Variants in AUTS2 observed in about 807,000 individuals in gnomAD.
The protein encoded by AUTS2 is autism susceptibility gene 2 protein.
A neutral mutation model predicts 112.4 loss-of-function variants in AUTS2; 17 were observed. That is an observed-to-expected ratio of 0.15 (90% confidence interval 0.10 to 0.23). The LOEUF is 0.23. Among genes scored for constraint, AUTS2 ranks in the 10% least tolerant of loss-of-function variants. The pLI is 1.00. For missense variants in AUTS2, 1,510 were observed against 1,701.6 expected (o/e 0.89, Z 1.98); for synonymous variants, 751 against 702.7 (o/e 1.07, Z -1.09).
chr7:70,676,235 G>A (rs576121844), intron 5 of AUTS2, among the ~76,000 whole-genome samples: 1 of 152,294 alleles, frequency 6.6e-6, no homozygotes, highest in Admixed American at 6.5e-5. Flanking sequence ...GAGGCCAGGA[G>A]TTCGAGACCA....
In AUTS2 at chr7:70,031,436, A is replaced by G. The variant is rs191891263; in HGVS notation, c.523-86696A>G. Among the ~76,000 whole-genome samples, 640 of 152,292 alleles carry G rather than the reference A, an allele frequency of 4.2e-3. 6 individuals are homozygous for G. Among genetic ancestry groups the G allele is most frequent in the African/African-American group, 0.015 (605 of 41,572 alleles). On this transcript the variant is annotated intron_variant, in intron 2 of 18. Transcript: ENST00000342771. ...GGCAGTCAGACCGAAGAGAGCACTA[A>G]CGTCCTGATTAGCATTTATCTAAAG...
intron 1 of AUTS2, among the ~76,000 whole-genome samples, chr7:69,666,031 T>C (rs1796018287): frequency 6.6e-6 from 1 of 152,226 alleles, no homozygotes; most frequent in Admixed American, 6.5e-5. Context: ...CAGTATTTTA[T>C]AGTCAAATAA....
At chr7:70,574,053 C>T (rs1802058814) in intron 5 of AUTS2, among the ~76,000 whole-genome samples, 1 of 152,078 alleles carries the variant, frequency 6.6e-6, no homozygotes, top group African/African-American at 2.4e-5. Flanking sequence ...ATGGCGTTTT[C>T]CATTTTCCTT....
chr7:70,166,593 A>T (rs1296580193), intron 4 of AUTS2, among the ~76,000 whole-genome samples: 1 of 152,176 alleles, frequency 6.6e-6, no homozygotes, highest in Non-Finnish European at 1.5e-5. Flanking sequence ...TGTGAATTTT[A>T]GAGCAGCCAT....
At chr7:70,772,101 A>C (rs1046774771) in intron 11 of AUTS2, among the ~76,000 whole-genome samples, 1 of 152,098 alleles carries the variant, frequency 6.6e-6, no homozygotes, top group African/African-American at 2.4e-5. Flanking sequence ...ATGAATTCTC[A>C]TTCTCCCTCA....
chr7:69,608,190 T>C (rs1463478308), intron 1 of AUTS2, among the ~76,000 whole-genome samples: 1 of 152,144 alleles, frequency 6.6e-6, no homozygotes, highest in Admixed American at 6.6e-5. Context: ...CTCCTCAGCC[T>C]CCCACAATGC....
intron 5 of AUTS2, among the ~76,000 whole-genome samples, chr7:70,583,551 G>T (rs1234877186): frequency 2.0e-5 from 3 of 152,066 alleles, no homozygotes; most frequent in Admixed American, 1.3e-4. Context: ...GTGAGGTGGG[G>T]CCTAGTAATC....
At chr7:70,783,923 T>A (rs901078638) in intron 15 of AUTS2, 1 of 152,234 alleles carries the variant, frequency 6.6e-6, no homozygotes, top group African/African-American at 2.4e-5. Context: ...ATTTGCACAC[T>A]CTCTTTCTCT....
chr7:70,066,353 T>TGGA (rs1237770223), intron 2 of AUTS2, among the ~76,000 whole-genome samples: 2 of 152,176 alleles, frequency 1.3e-5, no homozygotes, highest in Admixed American at 1.3e-4. Context: ...TGGAGTTGAA[T>TGGA]GGTCCTTTAT....
chr7:70,567,696 C>G (rs1457933684), intron 5 of AUTS2, among the ~76,000 whole-genome samples: 1 of 152,132 alleles, frequency 6.6e-6, no homozygotes, highest in African/African-American at 2.4e-5. Context: ...GCAGCAATGG[C>G]GTAGGGAGGC....
chr7:70,367,774 G>T (rs1402103546), intron 4 of AUTS2, among the ~76,000 whole-genome samples: 1 of 152,060 alleles, frequency 6.6e-6, no homozygotes, highest in East Asian at 1.9e-4. Flanking sequence ...TGATACCATT[G>T]GGAGAACAGA....
chr7:69,739,778 C>T (rs1312794698), intron 1 of AUTS2, among the ~76,000 whole-genome samples: 2 of 152,154 alleles, frequency 1.3e-5, no homozygotes, highest in African/African-American at 2.4e-5. Flanking sequence ...TAATTCTTTA[C>T]TGTTTCCTTG....
intron 6 of AUTS2, among the ~76,000 whole-genome samples, chr7:70,708,986 C>T (rs1245962748): frequency 2.7e-5 from 4 of 149,968 alleles, no homozygotes; most frequent in East Asian, 2.0e-4. Context: ...GGCACCATCT[C>T]GGCTCACTGC....
intron 5 of AUTS2, among the ~76,000 whole-genome samples, chr7:70,584,641 G>T (rs1802601612): frequency 1.3e-5 from 2 of 152,256 alleles, no homozygotes; most frequent in African/African-American, 4.8e-5. Context: ...CCAGCCCTGG[G>T]GGCAGTACAG....
chr7:69,847,173 C>T (rs768732699), intron 1 of AUTS2, among the ~76,000 whole-genome samples: 3 of 152,110 alleles, frequency 2.0e-5, no homozygotes, highest in South Asian at 2.1e-4. Context: ...ATAGAACATA[C>T]GACGTAGAGA....
intron 4 of AUTS2, among the ~76,000 whole-genome samples, chr7:70,212,254 C>T (rs1810945636): frequency 6.6e-6 from 1 of 152,170 alleles, no homozygotes; most frequent in African/African-American, 2.4e-5. Flanking sequence ...TGCCTGAACT[C>T]TTCTGTTGTT....
chr7:69,969,872 C>T (rs1486895687), intron 2 of AUTS2, among the ~76,000 whole-genome samples: 1 of 152,088 alleles, frequency 6.6e-6, no homozygotes, highest in African/African-American at 2.4e-5. Flanking sequence ...GAAAATACAT[C>T]ACACAATCTC....
intron 2 of AUTS2, among the ~76,000 whole-genome samples, chr7:69,924,379 A>C (rs1795925233): frequency 6.6e-6 from 1 of 152,070 alleles, no homozygotes; most frequent in African/African-American, 2.4e-5. Context: ...CATGAATAAA[A>C]ATTGGTCTGT....
intron 1 of AUTS2, among the ~76,000 whole-genome samples, chr7:69,738,146 G>A (rs1326987737): frequency 6.6e-6 from 1 of 151,970 alleles, no homozygotes; most frequent in African/African-American, 2.4e-5. Context: ...TTGGGGTGGA[G>A]TAAAGTTCAA....
Sources: allele counts gnomAD v4.1 joint callset (sites outside exome capture counted in the v4.1 genomes callset), GRCh38; gene constraint gnomAD v4.1.1; transcripts MANE v1.5; gene names NCBI Gene and HGNC (gene_info 2026-07-23, HGNC 2026-07-21).